KCNMA1: variants seen among roughly 807,000 people sequenced by gnomAD.
KCNMA1 encodes the protein Calcium-activated potassium channel subunit alpha-1.
KCNMA1 carries 29 observed loss-of-function variants against 140.0 expected under a neutral mutation model. The observed-to-expected ratio is 0.21, with a 90% CI of 0.15 to 0.28. The LOEUF is 0.28. Ranked by LOEUF, KCNMA1 falls within the 10% of genes least tolerant of loss-of-function variation. The pLI is 1.00. For missense variants in KCNMA1, 880 were observed against 1,602.2 expected (o/e 0.55, Z 7.70); for synonymous variants, 612 against 611.9 (o/e 1.00, Z 0.00).
chr10:76,884,241 A>G (rs1227305918), downstream of KCNMA1: 2 of 152,182 alleles, frequency 1.3e-5, no homozygotes, highest in Non-Finnish European at 2.9e-5. Flanking sequence ...GCTCCCAGAT[A>G]ACTGGGTGTG....
intron 1 of KCNMA1, among the ~76,000 whole-genome samples, chr10:77,519,342 G>A (rs2051919726): frequency 6.6e-6 from 1 of 152,212 alleles, no homozygotes; most frequent in South Asian, 2.1e-4. Context: ...AGAGATGAAA[G>A]GCTCCTTCTC....
chr10:77,368,164 T>G (rs1566317874), intron 2 of KCNMA1, among the ~76,000 whole-genome samples: 2 of 152,260 alleles, frequency 1.3e-5, no homozygotes, highest in Non-Finnish European at 2.9e-5. Context: ...CCATTAGTAA[T>G]GTCTGAGAGT....
At chr10:76,957,127 C>CAAAAAAAAAAAAAAAAAAAAAAAAAAA (rs569115924) in intron 20 of KCNMA1, among the ~76,000 whole-genome samples, 1 of 71,372 alleles carries the variant, frequency 1.4e-5, no homozygotes, top group Non-Finnish European at 2.5e-5. Flanking sequence ...GACTCTGTCT[C>CAAAAAAAAAAAAAAAAAAAAAAAAAAA]AAAAAAAAAA....
intron 21 of KCNMA1, among the ~76,000 whole-genome samples, chr10:76,951,065 G>GGGAGGCT (rs1169028295): frequency 6.6e-6 from 1 of 152,144 alleles, no homozygotes; most frequent in Non-Finnish European, 1.5e-5. Context: ...CAGGTCACCT[G>GGGAGGCT]GGAGGCTAGC....
At chr10:77,081,351 G>A (rs549701458) in intron 12 of KCNMA1, among the ~76,000 whole-genome samples, 160 of 152,210 alleles carry the variant, frequency 1.1e-3, no homozygotes, top group Non-Finnish European at 1.7e-3. Context: ...TTCTCTCCAC[G>A]TGTAAGTTAT....
At chr10:77,397,830 C>T (rs1001708267) in intron 2 of KCNMA1, among the ~76,000 whole-genome samples, 1 of 152,164 alleles carries the variant, frequency 6.6e-6, no homozygotes, top group African/African-American at 2.4e-5. Flanking sequence ...CATGTGTACA[C>T]ACTATTTAGC....
Position 76,953,810 on chromosome 10 carries a change from T to G in KCNMA1, c.2475A>C (p.Lys825Asn). ...FHWCAPKEIE[K>N]VILTRSEAAM... Reference sequence around the variant, plus strand: ...ACAGTCCCTCACTCACCAGGATGACTTTCTCTATCTCCTTGGGTGCACACC... The same window carrying G: ...ACAGTCCCTCACTCACCAGGATGACGTTCTCTATCTCCTTGGGTGCACACC... Residue 825 changes from lysine to asparagine, a missense_variant, in exon 21 of 28, where the codon AAA becomes AAC. Transcript: ENST00000286628. 6 of 1,614,076 alleles carry G rather than the reference T, an allele frequency of 3.7e-6. No homozygotes were observed. Among genetic ancestry groups the G allele is most frequent in the Non-Finnish European group, 5.1e-6 (6 of 1,179,958 alleles).
chr10:77,431,420 A>G (rs1401230588), intron 1 of KCNMA1, among the ~76,000 whole-genome samples: 1 of 152,170 alleles, frequency 6.6e-6, no homozygotes, highest in African/African-American at 2.4e-5. Flanking sequence ...TGGGAACAGA[A>G]CAGTGTCCTA....
chr10:77,303,051 A>G (rs1206468879), intron 2 of KCNMA1, among the ~76,000 whole-genome samples: 1 of 152,096 alleles, frequency 6.6e-6, no homozygotes, highest in Non-Finnish European at 1.5e-5. Context: ...TAGCCTTGGG[A>G]AAATTACTAA....
intron 1 of KCNMA1, among the ~76,000 whole-genome samples, chr10:77,574,193 G>A (rs1190570027): frequency 1.3e-5 from 2 of 151,746 alleles, no homozygotes; most frequent in Admixed American, 6.6e-5. Context: ...ATCTCATGTG[G>A]TAAGGACAGC....
At chr10:77,079,636 G>A (rs2096511358) in intron 12 of KCNMA1, 86 bp from the exon 13 acceptor site, 12 of 919,182 alleles carry the variant, frequency 1.3e-5, no homozygotes, top group Non-Finnish European at 1.6e-5. Context: ...CTCCAAATGG[G>A]GTACCCATGG....
intron 1 of KCNMA1, among the ~76,000 whole-genome samples, chr10:77,483,291 G>C (rs957940671): frequency 1.3e-5 from 2 of 152,192 alleles, no homozygotes; most frequent in African/African-American, 4.8e-5. Flanking sequence ...ACTTTTACAA[G>C]GGAAGGACAT....
intron 1 of KCNMA1, among the ~76,000 whole-genome samples, chr10:77,404,556 C>A (rs2096401921): frequency 6.6e-6 from 1 of 152,098 alleles, no homozygotes; most frequent in Admixed American, 6.5e-5. Flanking sequence ...GGTCTCCTCC[C>A]ATTTTAAAGA....
chr10:77,585,871 C>T (rs879775420), intron 1 of KCNMA1, among the ~76,000 whole-genome samples: 2 of 152,108 alleles, frequency 1.3e-5, no homozygotes, highest in African/African-American at 2.4e-5. Context: ...AAGGCTCTAG[C>T]GACAGAACAA....
chr10:77,322,757 G>A (rs1418169120), intron 2 of KCNMA1, among the ~76,000 whole-genome samples: 1 of 152,102 alleles, frequency 6.6e-6, no homozygotes, highest in Non-Finnish European at 1.5e-5. Context: ...CCAAACACTG[G>A]AAGGAGGACC....
intron 2 of KCNMA1, among the ~76,000 whole-genome samples, chr10:77,275,605 T>C (rs559094241): frequency 3.9e-5 from 6 of 152,290 alleles, no homozygotes; most frequent in Admixed American, 3.3e-4. Flanking sequence ...ATAGTCCCAA[T>C]TGTTGCTCCC....
chr10:77,568,849 C>G (rs1208092976), intron 1 of KCNMA1, among the ~76,000 whole-genome samples: 5 of 151,330 alleles, frequency 3.3e-5, no homozygotes, highest in Non-Finnish European at 4.4e-5. Context: ...TTGTCTCAGC[C>G]CAAAATCTCC....
intron 1 of KCNMA1, among the ~76,000 whole-genome samples, chr10:77,417,387 A>G (rs1317852538): frequency 6.6e-6 from 1 of 152,162 alleles, no homozygotes; most frequent in African/African-American, 2.4e-5. Flanking sequence ...AGTAAATTAA[A>G]TCTCTGCTCA....
intron 1 of KCNMA1, among the ~76,000 whole-genome samples, chr10:77,534,516 A>G (rs2058418273): frequency 6.6e-6 from 1 of 152,224 alleles, no homozygotes; most frequent in Non-Finnish European, 1.5e-5. Flanking sequence ...TGTATTTATT[A>G]TAGCGAAGCA....
Sources: gnomAD v4.1 joint callset for allele counts (sites outside exome capture counted in the v4.1 genomes callset) on GRCh38, gnomAD v4.1.1 for gene constraint, MANE v1.5 for transcripts, NCBI Gene and HGNC (gene_info 2026-07-23, HGNC 2026-07-21) for gene names.